PRH1: variants seen among roughly 807,000 people sequenced by gnomAD.
The protein encoded by PRH1 is proline rich protein HaeIII subfamily 1.
Under a neutral mutation model 7.9 loss-of-function variants are expected in PRH1, and 7 were observed. The ratio of observed to expected loss-of-function variants is 0.89; its 90% CI spans 0.50 to 1.67. PRH1 has a LOEUF of 1.67. Ranked by LOEUF, PRH1 falls within the 40% of genes most tolerant of loss-of-function variation. PRH1 has a pLI of 0.00. For missense variants in PRH1, 109 were observed against 223.6 expected, an observed-to-expected ratio of 0.49 and a Z score of 3.27; for synonymous variants, 45 against 80.8, an observed-to-expected ratio of 0.56 and a Z score of 2.38.
chr12:10,924,149 A>G (rs552953209), intron 2 of PRH1, among the ~76,000 whole-genome samples: 16 of 151,796 alleles, frequency 1.1e-4, no homozygotes, highest in African/African-American at 2.7e-4. Flanking sequence ...CACCACGCCC[A>G]GCTAATTTTT....
chr12:10,929,419 A>C, intron 2 of PRH1: 1 of 1,556,986 alleles, frequency 6.4e-7, no homozygotes. Flanking sequence ...TGGAGGGAAG[A>C]GAGGAGGATG....
At chr12:11,021,419 A>C (rs1941621767) in intron 1 of PRH1, among the ~76,000 whole-genome samples, 2 of 133,248 alleles carry the variant, frequency 1.5e-5, no homozygotes, top group Admixed American at 7.7e-5. Flanking sequence ...AAATATAAAT[A>C]CTATATATGT....
At chr12:11,134,848 A>C (rs1432838195) in intron 1 of PRH1, among the ~76,000 whole-genome samples, 3 of 152,150 alleles carry the variant, frequency 2.0e-5, no homozygotes, top group Non-Finnish European at 4.4e-5. Context: ...ATACTCCATA[A>C]GATCTGGTTG....
At chr12:10,903,510 C>T (rs1339788161) in intron 2 of PRH1, among the ~76,000 whole-genome samples, 1 of 151,820 alleles carries the variant, frequency 6.6e-6, no homozygotes, top group Non-Finnish European at 1.5e-5. Context: ...AATAATTAGG[C>T]ATTGAAGGAA....
At chr12:11,136,579 T>A (rs1312977498) in intron 1 of PRH1, among the ~76,000 whole-genome samples, 2 of 152,192 alleles carry the variant, frequency 1.3e-5, no homozygotes, top group Non-Finnish European at 1.5e-5. Flanking sequence ...TTACCTCCAG[T>A]CTATTTTTTG....
At chr12:10,992,582 G>C (rs986400537) in intron 1 of PRH1, among the ~76,000 whole-genome samples, 1 of 152,064 alleles carries the variant, frequency 6.6e-6, no homozygotes, top group African/African-American at 2.4e-5. Flanking sequence ...ACTACAATCA[G>C]TTTATTTTCT....
intron 1 of PRH1, chr12:11,133,684 G>A (rs1946446836): frequency 6.2e-7 from 1 of 1,614,198 alleles, no homozygotes; most frequent in Non-Finnish European, 8.5e-7. Context: ...TCAGAGTGAG[G>A]GGTACAAAGT....
At chr12:11,002,190 C>A (rs148838856) in intron 1 of PRH1, among the ~76,000 whole-genome samples, 2 of 151,948 alleles carry the variant, frequency 1.3e-5, no homozygotes, top group African/African-American at 4.8e-5. Context: ...GTAAACATTT[C>A]AAAAATAAAT....
intron 1 of PRH1, among the ~76,000 whole-genome samples, chr12:11,100,609 A>T (rs1376743060): frequency 1.3e-5 from 2 of 152,220 alleles, no homozygotes; most frequent in African/African-American, 2.4e-5. Flanking sequence ...AGTTTTTAAC[A>T]ATCTTTAAAA....
chr12:10,929,373 T>C (rs1245410594), intron 2 of PRH1: 3 of 1,613,356 alleles, frequency 1.9e-6, no homozygotes, highest in African/African-American at 1.3e-5. Context: ...GTGACTCTGA[T>C]TGGGGTTTAC....
rs773473266 is a variant in PRH1 at position 10,938,550 on chromosome 12, C to T, written c.-59+35105G>A. ...CTGTGGGCTTTGGTGCTGGCGTCTCCGGATATTTTGACAGTGTGCTGCATC... is the reference window on the plus strand; with the variant it reads ...CTGTGGGCTTTGGTGCTGGCGTCTCTGGATATTTTGACAGTGTGCTGCATC... On this transcript the variant is annotated intron_variant, in intron 2 of 3. Coordinates refer to the PRH1 transcript ENST00000539853. The T allele has an allele frequency of 2.3e-5, 37 of 1,613,810 alleles. No homozygotes were observed. Among genetic ancestry groups the T allele is most frequent in the Middle Eastern group, 3.3e-4 (2 of 6,084 alleles).
At chr12:11,030,024 C>G (rs1446107134) in intron 1 of PRH1, among the ~76,000 whole-genome samples, 1 of 152,032 alleles carries the variant, frequency 6.6e-6, no homozygotes, top group African/African-American at 2.4e-5. Flanking sequence ...AATATTTATC[C>G]TGGGATAAGC....
chr12:11,030,247 T>A (rs1470370095), intron 1 of PRH1: 35 of 1,254,298 alleles, frequency 2.8e-5, no homozygotes, highest in Admixed American at 2.1e-4. Context: ...ATATATATTT[T>A]TTTTTCTAGA....
chr12:11,155,829 C>T (rs61928597), intron 1 of PRH1, among the ~76,000 whole-genome samples: 69,101 of 151,846 alleles, frequency 0.46, 16,512 homozygotes, highest in Non-Finnish European at 0.52. Flanking sequence ...ACATGTCATT[C>T]AATGCACTTC....
At chr12:10,913,005 A>G (rs951219018) in intron 2 of PRH1, among the ~76,000 whole-genome samples, 2 of 152,136 alleles carry the variant, frequency 1.3e-5, no homozygotes, top group African/African-American at 4.8e-5. Context: ...CTATCCTGCT[A>G]TGAGTATAGG....
chr12:11,021,344 C>G (rs560410416), intron 1 of PRH1, among the ~76,000 whole-genome samples: 2 of 132,096 alleles, frequency 1.5e-5, no homozygotes, highest in African/African-American at 2.6e-5. Context: ...AAAAGCTGTA[C>G]GTTCTTAATT....
intron 1 of PRH1, among the ~76,000 whole-genome samples, chr12:11,087,277 T>G (rs112274579): frequency 0.014 from 1,638 of 116,896 alleles, 344 homozygotes; most frequent in African/African-American, 0.044. Context: ...ATTTTTTAAA[T>G]TTTTTGTAGA....
At chr12:11,149,871 A>C (rs1450672383) in intron 1 of PRH1, among the ~76,000 whole-genome samples, 2 of 137,860 alleles carry the variant, frequency 1.5e-5, no homozygotes, top group South Asian at 2.2e-4. Flanking sequence ...CTACCATCAG[A>C]GTGAACAGGC....
At position 10,884,138 on chromosome 12, in the gene PRH1, C is replaced by T. The variant is rs529023310; in HGVS notation, c.64+16G>A. ...CCCCAATCAGAGTCACAATATCTTC[C>T]CCCAATTCATCTTACCTTCATTTAA... On this transcript the variant is annotated intron_variant, in intron 1 of 3. Transcript: ENST00000543626. The T allele has an allele frequency of 3.5e-5, 56 of 1,614,098 alleles. No homozygotes were observed. The South Asian group carries it at 4.9e-4, about 14-fold the overall frequency.
Sources: allele counts gnomAD v4.1 joint callset (sites outside exome capture counted in the v4.1 genomes callset), GRCh38; gene constraint gnomAD v4.1.1; transcripts MANE v1.5; gene names NCBI Gene and HGNC (gene_info 2026-07-23, HGNC 2026-07-21).